The following TRIO variants were observed in gnomAD, a reference collection of about 807,000 sequenced individuals.
TRIO encodes the protein trio Rho guanine nucleotide exchange factor.
In TRIO, 58 loss-of-function variants were observed where a neutral mutation model predicts 351.9. The observed-to-expected ratio is 0.16, with a 90% CI of 0.13 to 0.21. TRIO has a LOEUF of 0.21. Ranked by LOEUF, TRIO falls within the 10% of genes least tolerant of loss-of-function variation. The pLI, the probability that TRIO is intolerant of heterozygous loss-of-function variation, is 1.00. For synonymous variants in TRIO, 1,758 were observed against 1,595.7 expected (o/e 1.10, Z -2.42); for missense variants, 3,201 against 4,027.8 (o/e 0.79, Z 5.56).
intron 9 of TRIO, among the ~76,000 whole-genome samples, chr5:14,321,453 A>G (rs1488345809): frequency 1.3e-5 from 2 of 152,230 alleles, no homozygotes; most frequent in Admixed American, 1.3e-4. Flanking sequence ...GTGACTTCTG[A>G]ACAGCATCAA....
At chr5:14,214,015 T>G (rs1792070276) in intron 1 of TRIO, among the ~76,000 whole-genome samples, 1 of 152,202 alleles carries the variant, frequency 6.6e-6, no homozygotes, top group Non-Finnish European at 1.5e-5. Flanking sequence ...AGTTAAAAAT[T>G]ATCTTACCTG....
chr5:14,148,780 C>G (rs1440247124), intron 1 of TRIO, among the ~76,000 whole-genome samples: 2 of 152,210 alleles, frequency 1.3e-5, no homozygotes, highest in Non-Finnish European at 2.9e-5. Flanking sequence ...CTTGGCCAAA[C>G]TGACAAGGGT....
chr5:14,420,616 T>A (rs1242110985), intron 34 of TRIO: 2 of 153,274 alleles, frequency 1.3e-5, no homozygotes, highest in African/African-American at 4.8e-5. Flanking sequence ...CACTTCCATT[T>A]CTGGTGAAGC....
chr5:14,196,198 G>T (rs1561189412), intron 1 of TRIO, among the ~76,000 whole-genome samples: 1 of 152,142 alleles, frequency 6.6e-6, no homozygotes, highest in South Asian at 2.1e-4. Flanking sequence ...AGACGGGGTG[G>T]ATCACCTGAG....
intron 33 of TRIO, among the ~76,000 whole-genome samples, chr5:14,409,834 C>CA (rs762403574): frequency 7.5e-3 from 612 of 81,900 alleles, no homozygotes; most frequent in Middle Eastern, 0.029. Flanking sequence ...GACTCCATCT[C>CA]AAAAAAAAAA....
At position 14,382,121 on chromosome 5, in the gene TRIO, A is replaced by G. The variant is rs117845409; in HGVS notation, c.3570+869A>G. On this transcript the variant is annotated intron_variant, in intron 21 of 56. Coordinates refer to ENST00000344204, the MANE Select transcript of TRIO (RefSeq NM_007118.4). ...TTCGAGTTTTTGGAAAAATCTGACAATTATTTCAAATGTATAAGAGTGGGA... is the reference window on the plus strand; with the variant it reads ...TTCGAGTTTTTGGAAAAATCTGACAGTTATTTCAAATGTATAAGAGTGGGA... Among the ~76,000 whole-genome samples the G allele has an allele frequency of 1.7e-4, 26 of 152,326 alleles. No individual in the cohort carries two copies. The East Asian group carries it at 3.1e-3, about 18-fold the overall frequency.
At chr5:14,182,278 T>C (rs1432529699) in intron 1 of TRIO, among the ~76,000 whole-genome samples, 1 of 152,192 alleles carries the variant, frequency 6.6e-6, no homozygotes, top group African/African-American at 2.4e-5. Context: ...TCCTATTTGG[T>C]AGAACCGCCT....
chr5:14,389,284 G>T lies in TRIO; in HGVS notation c.3949-5G>T. ...TTGTCTAATCCCTGTTTCCCTCTCG[G>T]CTAGACGTACCTGTGGGAAATGACC... On this transcript the variant is annotated splice_region_variant and splice_polypyrimidine_tract_variant and intron_variant, in intron 24 of 56. Transcript: ENST00000344204. 6.2e-7 allele frequency: 1 copy of T among 1,601,558 alleles called. No homozygotes were observed. Among genetic ancestry groups the T allele is most frequent in the Non-Finnish European group, 8.5e-7 (1 of 1,175,450 alleles).
chr5:14,226,579 T>C (rs1793047045), intron 1 of TRIO, among the ~76,000 whole-genome samples: 2 of 152,280 alleles, frequency 1.3e-5, no homozygotes, highest in African/African-American at 2.4e-5. Flanking sequence ...AGTTTTCTTT[T>C]GCACAATATT....
At chr5:14,240,360 G>C (rs779600014) in intron 1 of TRIO, among the ~76,000 whole-genome samples, 2 of 152,058 alleles carry the variant, frequency 1.3e-5, no homozygotes, top group East Asian at 3.8e-4. Flanking sequence ...AAGAAAAGGG[G>C]GTTCTCAGTG....
At chr5:14,357,694 C>T (rs1743750328) in intron 11 of TRIO, among the ~76,000 whole-genome samples, 1 of 152,154 alleles carries the variant, frequency 6.6e-6, no homozygotes, top group South Asian at 2.1e-4. Context: ...GAATTCCTCT[C>T]ATCACATTGT....
rs999250774 is a variant in TRIO at position 14,191,484 on chromosome 5, C to T, written c.157+47602C>T. On this transcript the variant is annotated intron_variant, in intron 1 of 56. Coordinates refer to ENST00000344204, the MANE Select transcript of TRIO (RefSeq NM_007118.4). ...TGGCACATGCCTTTAGTCCCAGTTA[C>T]GTCACTCCATACACTCCAGCCTGGG... Among the ~76,000 whole-genome samples, 5 of 147,314 alleles carry T rather than the reference C, an allele frequency of 3.4e-5. No homozygotes were observed. In the East Asian group the frequency reaches 5.9e-4, roughly 18 times the overall value.
chr5:14,468,948 C>T (rs1041887059), intron 37 of TRIO, among the ~76,000 whole-genome samples: 1 of 152,232 alleles, frequency 6.6e-6, no homozygotes, highest in Middle Eastern at 3.2e-3. Context: ...CTTACCTCCA[C>T]GTTCTTGATG....
chr5:14,432,105 G>C (rs995472655), intron 34 of TRIO, among the ~76,000 whole-genome samples: 3 of 152,212 alleles, frequency 2.0e-5, no homozygotes, highest in East Asian at 1.9e-4. Flanking sequence ...AGTAGTAACA[G>C]AGAGCATGGG....
At chr5:14,403,339 GAGGGTGCAGCTT>G (rs1434334978) in intron 31 of TRIO, among the ~76,000 whole-genome samples, 15 of 105,678 alleles carry the variant, frequency 1.4e-4, no homozygotes, top group East Asian at 2.2e-4. Context: ...AGGTTGTGGT[GAGGGTGCAGCTT>G]GTGAGGGTGC....
At chr5:14,176,821 A>G (rs564595017) in intron 1 of TRIO, among the ~76,000 whole-genome samples, 1 of 152,226 alleles carries the variant, frequency 6.6e-6, no homozygotes, top group Non-Finnish European at 1.5e-5. Flanking sequence ...CTTACTGTTA[A>G]GTAAATGGAA....
At chr5:14,144,748 G>A (rs1317829810) in intron 1 of TRIO, among the ~76,000 whole-genome samples, 1 of 151,942 alleles carries the variant, frequency 6.6e-6, no homozygotes, top group East Asian at 1.9e-4. Context: ...TGCTGCGCAG[G>A]GGGCGTGACA....
chr5:14,488,815 T>C (rs370399554), intron 48 of TRIO: 2 of 651,064 alleles, frequency 3.1e-6, no homozygotes. Context: ...CTGGGAACGC[T>C]TTACGTCACC....
At chr5:14,505,596 C>T (rs1757618024) in intron 55 of TRIO, among the ~76,000 whole-genome samples, 1 of 152,172 alleles carries the variant, frequency 6.6e-6, no homozygotes, top group Admixed American at 6.5e-5. Context: ...GGCCCTGTAC[C>T]TGATGTTGTA....
Sources: allele counts gnomAD v4.1 joint callset (sites outside exome capture counted in the v4.1 genomes callset), GRCh38; gene constraint gnomAD v4.1.1; transcripts MANE v1.5; gene names NCBI Gene and HGNC (gene_info 2026-07-23, HGNC 2026-07-21).